The following CALN1 variants were observed in gnomAD, a reference collection of about 807,000 sequenced individuals.
The protein encoded by CALN1 is calneuron 1.
A neutral mutation model predicts 30.6 loss-of-function variants in CALN1; 17 were observed. The observed-to-expected ratio is 0.56, with a 90% CI of 0.38 to 0.83. CALN1 has a LOEUF of 0.83. Ranked by LOEUF, CALN1 falls within the 40% of genes least tolerant of loss-of-function variation. The probability of loss-of-function intolerance (pLI) is 0.00; values close to 1 mark genes in which losing one functional copy is unlikely to be tolerated. For synonymous variants in CALN1, 156 were observed against 131.4 expected (o/e 1.19, Z -1.28); for missense variants, 291 against 354.9 (o/e 0.82, Z 1.45).
chr7:72,316,751 C>G (rs1278259347), intron 2 of CALN1, among the ~76,000 whole-genome samples: 3 of 151,858 alleles, frequency 2.0e-5, no homozygotes, highest in Non-Finnish European at 4.4e-5. Context: ...CAAGACCAAC[C>G]TGTAACAGCA....
chr7:71,857,207 G>C (rs1007967245), intron 5 of CALN1, among the ~76,000 whole-genome samples: 1 of 152,154 alleles, frequency 6.6e-6, no homozygotes, highest in African/African-American at 2.4e-5. Flanking sequence ...CAAAGGACAT[G>C]AGTTAAATAA....
the CALN1 span, among the ~76,000 whole-genome samples, chr7:72,501,370 T>TAAAAAAAAAAAAAAAAAAAAAAAA: frequency 2.3e-5 from 1 of 42,798 alleles, no homozygotes; most frequent in African/African-American, 1.0e-4. Flanking sequence ...ACGTCTCTAT[T>TAAAAAAAAAAAAAAAAAAAAAAAA]AAAAAAAAAA....
intron 1 of CALN1, among the ~76,000 whole-genome samples, chr7:72,423,853 A>G (rs950544239): frequency 6.6e-6 from 1 of 151,250 alleles, no homozygotes; most frequent in Non-Finnish European, 1.5e-5. Context: ...AATAAAGAAA[A>G]AAGAAAAGAA....
chr7:72,246,707 C>A (rs932847190), intron 3 of CALN1, among the ~76,000 whole-genome samples: 1 of 151,824 alleles, frequency 6.6e-6, no homozygotes, highest in South Asian at 2.1e-4. Context: ...CTATCCGATA[C>A]CCCATCCTCA....
At chr7:71,874,279 TAAAA>T (rs57423286) in intron 5 of CALN1, among the ~76,000 whole-genome samples, 10,940 of 97,498 alleles carry the variant, frequency 0.11, 748 homozygotes, top group East Asian at 0.46. Flanking sequence ...TCTCAAACAT[TAAAA>T]AAAAAAAAAA....
intron 1 of CALN1, among the ~76,000 whole-genome samples, chr7:72,436,219 C>T (rs779434313): frequency 2.0e-5 from 3 of 152,154 alleles, no homozygotes; most frequent in Admixed American, 1.3e-4. Flanking sequence ...AGCCATAATC[C>T]CCACGTGTCC....
the CALN1 span, among the ~76,000 whole-genome samples, chr7:72,484,151 A>G: frequency 6.6e-6 from 1 of 152,158 alleles, no homozygotes; most frequent in East Asian, 1.9e-4. Flanking sequence ...TCTTCTCATT[A>G]TGGGTCATAT....
chr7:72,203,766 T>G (rs1791605530), intron 3 of CALN1, among the ~76,000 whole-genome samples: 1 of 152,190 alleles, frequency 6.6e-6, no homozygotes, highest in Non-Finnish European at 1.5e-5. Context: ...GTGTCTTTGT[T>G]GCCAAGTAAT....
At chr7:72,214,695 G>A (rs1451294894) in intron 3 of CALN1, among the ~76,000 whole-genome samples, 8 of 152,038 alleles carry the variant, frequency 5.3e-5, no homozygotes, top group South Asian at 2.1e-4. Flanking sequence ...GAGCCGAGCC[G>A]CACAGCAGGA....
At chr7:72,299,551 G>C (rs1473689698) in intron 2 of CALN1, among the ~76,000 whole-genome samples, 1 of 151,932 alleles carries the variant, frequency 6.6e-6, no homozygotes, top group East Asian at 1.9e-4. Context: ...AAAGGTAATA[G>C]GCAAACAGGG....
intron 5 of CALN1, among the ~76,000 whole-genome samples, chr7:71,834,505 T>C (rs1002057692): frequency 3.9e-5 from 6 of 152,286 alleles, no homozygotes; most frequent in Admixed American, 1.3e-4. Flanking sequence ...TTAGCATCAA[T>C]TGTTAAAAAC....
intron 6 of CALN1, among the ~76,000 whole-genome samples, chr7:71,801,059 C>T (rs771411587): frequency 3.9e-5 from 6 of 152,152 alleles, no homozygotes; most frequent in East Asian, 3.9e-4. Flanking sequence ...TGAGAACATG[C>T]GGTGTTTGGT....
At chr7:72,091,518 T>C (rs540119413) in intron 4 of CALN1, among the ~76,000 whole-genome samples, 13 of 152,276 alleles carry the variant, frequency 8.5e-5, no homozygotes, top group Middle Eastern at 6.8e-3. Context: ...CCCATAAATA[T>C]GTATAACTTA....
At chr7:72,058,773 C>T (rs1457206257) in intron 4 of CALN1, among the ~76,000 whole-genome samples, 1 of 152,020 alleles carries the variant, frequency 6.6e-6, no homozygotes, top group Non-Finnish European at 1.5e-5. Flanking sequence ...ACGCCTTTGC[C>T]CCATATAGAT....
intron 3 of CALN1, among the ~76,000 whole-genome samples, chr7:72,264,088 C>A (rs1363546506): frequency 6.6e-6 from 1 of 152,152 alleles, no homozygotes; most frequent in African/African-American, 2.4e-5. Flanking sequence ...CACGACCGAG[C>A]CAAAACTAAT....
At chr7:72,329,559 T>C (rs1225803438) in intron 2 of CALN1, among the ~76,000 whole-genome samples, 2 of 152,218 alleles carry the variant, frequency 1.3e-5, no homozygotes, top group Non-Finnish European at 2.9e-5. Flanking sequence ...TTTGAGACTT[T>C]TGCACTGGCT....
chr7:72,390,245 G>A (rs770735589), intron 2 of CALN1, among the ~76,000 whole-genome samples: 14 of 151,936 alleles, frequency 9.2e-5, no homozygotes, highest in African/African-American at 3.4e-4. Context: ...CCTGGCCAAC[G>A]TCGTGAAACA....
intron 4 of CALN1, among the ~76,000 whole-genome samples, chr7:72,083,389 A>G (rs1805280420): frequency 6.6e-6 from 1 of 151,924 alleles, no homozygotes; most frequent in Non-Finnish European, 1.5e-5. Flanking sequence ...AATTATTTAA[A>G]AAGAAATAGT....
At chr7:72,342,650 C>G (rs1802435949) in intron 2 of CALN1, among the ~76,000 whole-genome samples, 1 of 152,156 alleles carries the variant, frequency 6.6e-6, no homozygotes, top group Non-Finnish European at 1.5e-5. Context: ...TACCACCTGC[C>G]TCTAGCTTTG....
Sources: gnomAD v4.1 joint callset for allele counts (sites outside exome capture counted in the v4.1 genomes callset) on GRCh38, gnomAD v4.1.1 for gene constraint, MANE v1.5 for transcripts, NCBI Gene and HGNC (gene_info 2026-07-23, HGNC 2026-07-21) for gene names.